The following CLEC6A variants were observed in gnomAD, a reference collection of about 807,000 sequenced individuals.
The protein encoded by CLEC6A is C-type lectin domain containing 6A.
A neutral mutation model predicts 25.7 loss-of-function variants in CLEC6A; 22 were observed. The observed-to-expected ratio is 0.85, with a 90% CI of 0.61 to 1.22. CLEC6A has a LOEUF of 1.22. Ranked by LOEUF, CLEC6A falls within the 50% of genes most tolerant of loss-of-function variation. The pLI is 0.00. For missense variants in CLEC6A, 240 were observed against 236.8 expected (o/e 1.01, Z -0.09); for synonymous variants, 92 against 76.7 (o/e 1.20, Z -1.04).
intron 3 of CLEC6A, among the ~76,000 whole-genome samples, chr12:8,465,227 CAA>C (rs1272301711): frequency 7.3e-6 from 1 of 136,688 alleles, no homozygotes; most frequent in African/African-American, 2.7e-5. Context: ...ACATGAAAAA[CAA>C]AACTCAATAG....
At chr12:8,461,149 C>T (rs1430054032) in intron 3 of CLEC6A, 5 of 1,463,622 alleles carry the variant, frequency 3.4e-6, no homozygotes, top group Admixed American at 1.7e-5. Flanking sequence ...TGGAAAGGGC[C>T]ATAAGTTCCA....
intron 4 of CLEC6A, among the ~76,000 whole-genome samples, chr12:8,466,758 C>T (rs1939836737): frequency 6.6e-6 from 1 of 151,766 alleles, no homozygotes; most frequent in South Asian, 2.1e-4. Flanking sequence ...CGGGTTCAAG[C>T]AATTCTCTGC....
At chr12:8,466,541 C>T (rs1345931156) in intron 4 of CLEC6A, among the ~76,000 whole-genome samples, 2 of 152,130 alleles carry the variant, frequency 1.3e-5, no homozygotes, top group African/African-American at 2.4e-5. Flanking sequence ...CTGGTCAACA[C>T]TTGTTATTTT....
At chr12:8,463,559 T>C (rs1939791621) in intron 3 of CLEC6A, among the ~76,000 whole-genome samples, 1 of 152,204 alleles carries the variant, frequency 6.6e-6, no homozygotes, top group Non-Finnish European at 1.5e-5. Context: ...CTTATGACGA[T>C]ATAGTGATCT....
intron 3 of CLEC6A, among the ~76,000 whole-genome samples, chr12:8,464,430 C>T (rs374205852): frequency 6.8e-4 from 103 of 151,836 alleles, no homozygotes; most frequent in East Asian, 2.9e-3. Flanking sequence ...CCTGGGTTCA[C>T]GCCATTCTCC....
In CLEC6A at chr12:8,476,492, T is replaced by C. The variant is rs774019462; in HGVS notation, c.485+252T>C. On this transcript the variant is annotated intron_variant, in intron 5 of 5. Coordinates refer to ENST00000382073, the MANE Select transcript of CLEC6A (RefSeq NM_001007033.2). ...GATGAGAAACTGGATGTCAACTCCA[T>C]GTCTATCTGATTCCAGAGATGGTGC... Among the ~76,000 whole-genome samples the C allele has an allele frequency of 2.6e-5, 4 of 152,252 alleles. No individual in the cohort carries two copies. In the East Asian group the frequency reaches 7.7e-4, roughly 29 times the overall value.
chr12:8,461,007 G>T (rs1407619425), intron 3 of CLEC6A: 1 of 1,418,672 alleles, frequency 7.0e-7, no homozygotes, highest in East Asian at 2.3e-5. Flanking sequence ...AAAAATTTTT[G>T]GGGGTTATCC....
At chr12:8,461,994 G>A (rs1034641947) in intron 3 of CLEC6A, among the ~76,000 whole-genome samples, 50 of 152,328 alleles carry the variant, frequency 3.3e-4, no homozygotes, top group Non-Finnish European at 2.9e-5. Context: ...GTAGACATAG[G>A]AGACTCCATT....
intron 3 of CLEC6A, among the ~76,000 whole-genome samples, chr12:8,461,485 T>C (rs758807262): frequency 3.9e-5 from 6 of 152,214 alleles, no homozygotes; most frequent in Non-Finnish European, 2.9e-5. Context: ...TCCATATCCA[T>C]CTGGCATAAG....
Position 8,476,122 on chromosome 12 carries a change from C to A in CLEC6A, c.370-3C>A, listed in dbSNP as rs113506277. On this transcript the variant is annotated splice_region_variant and splice_polypyrimidine_tract_variant and intron_variant, in intron 4 of 5. Transcript: ENST00000382073. ...TTTGACTCCTTTTTTTTCCTTCATG[C>A]AGAATTTCATTGTCCAGCAGCTGAA... 55 of 1,587,222 alleles carry A rather than the reference C, an allele frequency of 3.5e-5. 1 individual carries two copies. In the Middle Eastern group the frequency reaches 1.5e-3, roughly 43 times the overall value.
chr12:8,467,017 C>T (rs1472569934), intron 4 of CLEC6A, among the ~76,000 whole-genome samples: 3 of 152,150 alleles, frequency 2.0e-5, no homozygotes, highest in East Asian at 1.9e-4. Context: ...TATTCAAGTC[C>T]TTTGCCCTCT....
At chr12:8,468,243 T>C (rs1939862904) in intron 4 of CLEC6A, among the ~76,000 whole-genome samples, 1 of 152,232 alleles carries the variant, frequency 6.6e-6, no homozygotes, top group Admixed American at 6.5e-5. Flanking sequence ...ACATGTGGCC[T>C]TGATGCTACT....
chr12:8,460,517 G>A (rs146865954), intron 3 of CLEC6A: 1 of 637,878 alleles, frequency 1.6e-6, no homozygotes, highest in South Asian at 1.9e-5. Context: ...TACAATTCAA[G>A]GTGAGATTTG....
In CLEC6A at chr12:8,467,109, T is replaced by C. The variant is rs767384251; in HGVS notation, c.369+1480T>C. On this transcript the variant is annotated intron_variant, in intron 4 of 5. Transcript: ENST00000382073. Reference sequence around the variant, plus strand: ...CTTGATATTAACCCCTTACCAGATATATGGTTTGCAAGTATTTTCTTTTAT... The same window carrying C: ...CTTGATATTAACCCCTTACCAGATACATGGTTTGCAAGTATTTTCTTTTAT... Among the ~76,000 whole-genome samples the C allele has an allele frequency of 2.6e-4, 39 of 152,338 alleles. 1 individual carries two copies. In the South Asian group the frequency reaches 7.2e-3, roughly 28 times the overall value.
In CLEC6A at chr12:8,478,213, A is replaced by G. The variant is rs1190708985; in HGVS notation, c.*749A>G. On this transcript the variant is annotated 3_prime_UTR_variant, in exon 6 of 6. Coordinates refer to ENST00000382073, the MANE Select transcript of CLEC6A (RefSeq NM_001007033.2). The stretch of plus-strand genomic sequence containing the variant: ...TTACCCAAATCTAATCTATTCCTGA[A>G]AATATGATGGTTAGCAAAGTTTGAG... 2 of 151,934 alleles carry G rather than the reference A, an allele frequency of 1.3e-5. No individual in the cohort carries two copies. The highest frequency in any genetic ancestry group is 2.9e-5 in the Non-Finnish European group (2 of 67,868). The allele number at this position is 151,934 out of a possible 1,614,324, so 9.4% of individuals were successfully genotyped here. A position where few individuals can be genotyped will look rare whatever the true frequency, so the allele number is the denominator to read the frequency against.
At chr12:8,463,265 G>A (rs1939788036) in intron 3 of CLEC6A, among the ~76,000 whole-genome samples, 2 of 151,958 alleles carry the variant, frequency 1.3e-5, no homozygotes, top group Admixed American at 1.3e-4. Flanking sequence ...TTATTATCAG[G>A]ACACAATATC....
At chr12:8,464,173 G>A (rs866319437) in intron 3 of CLEC6A, among the ~76,000 whole-genome samples, 1 of 151,802 alleles carries the variant, frequency 6.6e-6, no homozygotes, top group African/African-American at 2.4e-5. Context: ...AAGATTTTTG[G>A]TTTTTAATCA....
At chr12:8,461,065 T>C in intron 3 of CLEC6A, 5 of 1,595,528 alleles carry the variant, frequency 3.1e-6, no homozygotes, top group Admixed American at 1.7e-5. Context: ...TGACACCCAG[T>C]GGATCACCAA....
chr12:8,476,033 C>G, intron 4 of CLEC6A, 92 bp from the exon 5 acceptor site: 1 of 737,162 alleles, frequency 1.4e-6, no homozygotes. Context: ...GTGTTTTCTT[C>G]TAAAGAATAG....
Sources: allele counts gnomAD v4.1 joint callset (sites outside exome capture counted in the v4.1 genomes callset), GRCh38; gene constraint gnomAD v4.1.1; transcripts MANE v1.5; gene names NCBI Gene and HGNC (gene_info 2026-07-23, HGNC 2026-07-21).